Variants in NAA38 observed in about 807,000 individuals in gnomAD.
NAA38 encodes the protein LSM domain containing 1.
Under a neutral mutation model 12.6 loss-of-function variants are expected in NAA38, and 15 were observed. The ratio of observed to expected loss-of-function variants is 1.19; its 90% confidence interval spans 0.79 to 1.83. NAA38 has a LOEUF of 1.83. NAA38 is among the 40% of genes most tolerant of loss of function. NAA38 has a pLI of 0.00. For synonymous variants in NAA38, 88 were observed against 69.9 expected (o/e 1.26, Z -1.29); for missense variants, 183 against 171.7 (o/e 1.07, Z -0.37).
intron 1 of NAA38, chr17:7,883,464 T>C (rs1042686247): frequency 1.2e-4 from 19 of 152,268 alleles, no homozygotes; most frequent in African/African-American, 3.9e-4. Context: ...ATTCTAACAA[T>C]TGGAGGAGGG....
chr17:7,857,061 G>GTCAC lies in NAA38; in HGVS notation c.215_218dup (p.Asp73GlufsTer2), dbSNP rs755621692. The stretch of plus-strand genomic sequence containing the variant: ...GCGCCGAGCCCAGGATGACATTGCA[G>GTCAC]TCACGGTCAGTGCAGAGGAAGCAGC... On this transcript the variant is annotated stop_gained and frameshift_variant, in exon 2 of 3. Transcript: ENST00000575771. LOFTEE classifies it high-confidence loss of function. 1 of 1,613,350 alleles carries GTCAC rather than the reference G, an allele frequency of 6.2e-7. No individual in the cohort carries two copies. The highest frequency in any genetic ancestry group is 1.7e-5 in the Admixed American group (1 of 60,028).
At chr17:7,877,068 T>A (rs747608534) in intron 2 of NAA38, 1 of 389,270 alleles carries the variant, frequency 2.6e-6, no homozygotes, top group South Asian at 1.9e-5. Flanking sequence ...GAACCAGAGA[T>A]TCATGAGGAA....
intron 1 of NAA38, among the ~76,000 whole-genome samples, chr17:7,884,071 A>ACACAC (rs1555602711): frequency 9.4e-5 from 14 of 148,550 alleles, no homozygotes; most frequent in African/African-American, 3.5e-4. Flanking sequence ...ATGCCCCCCC[A>ACACAC]ACACACACAC....
upstream of NAA38, chr17:7,858,617 C>A (rs552115182): frequency 6.2e-7 from 1 of 1,605,158 alleles, no homozygotes; most frequent in Non-Finnish European, 8.5e-7. Flanking sequence ...TCCGCAAGCA[C>A]ATAGATCCGC....
intron 2 of NAA38, among the ~76,000 whole-genome samples, chr17:7,871,932 G>C (rs530106578): frequency 1.1e-3 from 174 of 152,302 alleles, no homozygotes; most frequent in Non-Finnish European, 1.8e-3. Flanking sequence ...TGGGATGGCA[G>C]GCGTGAGCCA....
At chr17:7,858,004 A>G (rs1473403866), upstream of NAA38, 4 of 1,517,292 alleles carry the variant, frequency 2.6e-6, no homozygotes, top group South Asian at 2.5e-5. Context: ...GAAAAGGACA[A>G]TGGTTTCCAT....
exon 1 of NAA38, chr17:7,885,204 G>A: frequency 1.1e-6 from 1 of 933,026 alleles, no homozygotes; most frequent in Non-Finnish European, 1.3e-6. Flanking sequence ...CGCGAATCCG[G>A]GGCTCGGGCC....
At chr17:7,858,484 G>C, upstream of NAA38, 1 of 1,614,218 alleles carries the variant, frequency 6.2e-7, no homozygotes. Context: ...AGAGACGTGA[G>C]TTATGCTGGA....
At chr17:7,880,879 A>G (rs1967259779) in intron 2 of NAA38, among the ~76,000 whole-genome samples, 2 of 152,196 alleles carry the variant, frequency 1.3e-5, no homozygotes, top group Non-Finnish European at 2.9e-5. Flanking sequence ...AAGTACTGGT[A>G]GTGAACGCAT....
At position 7,857,540 on chromosome 17, in the gene NAA38, C is replaced by A; in HGVS notation, c.-77G>T. 6.9e-7 allele frequency: 1 copy of A among 1,453,192 alleles called. No individual in the cohort carries two copies. Among genetic ancestry groups the A allele is most frequent in the Non-Finnish European group, 9.0e-7 (1 of 1,106,304 alleles). 90.0% of individuals were successfully genotyped at this position (1,453,192 alleles called of 1,614,324 possible). Reference sequence around the variant, plus strand: ...TGGGTGGTCCGAGATCTCGCGAGCGCTCCCGACCTCTTTCCTTTCGCGAGA... The same window carrying A: ...TGGGTGGTCCGAGATCTCGCGAGCGATCCCGACCTCTTTCCTTTCGCGAGA... On this transcript the variant is annotated 5_prime_UTR_variant, in exon 1 of 3. Transcript: ENST00000575771.
At chr17:7,859,427 C>T, upstream of NAA38, 1 of 1,614,086 alleles carries the variant, frequency 6.2e-7, no homozygotes, top group Non-Finnish European at 8.5e-7. Flanking sequence ...CCGCTATCTC[C>T]CCTATAACTC....
At chr17:7,864,741 T>C (rs973266287) in intron 3 of NAA38, 2 of 151,948 alleles carry the variant, frequency 1.3e-5, no homozygotes, top group African/African-American at 4.8e-5. Context: ...TTACTAAAAA[T>C]ACAAAAATTA....
intron 2 of NAA38, among the ~76,000 whole-genome samples, chr17:7,876,144 T>C (rs1967171130): frequency 6.6e-6 from 1 of 152,184 alleles, no homozygotes; most frequent in Non-Finnish European, 1.5e-5. Context: ...ATCTTGGGTG[T>C]ACACTTAGTA....
upstream of NAA38, chr17:7,862,814 T>G (rs2078892104): frequency 6.6e-6 from 1 of 151,524 alleles, no homozygotes; most frequent in African/African-American, 2.4e-5. Context: ...ATCTGTCATT[T>G]CCCCATATGG....
chr17:7,876,819 TC>T (rs1967182318), intron 2 of NAA38, among the ~76,000 whole-genome samples: 1 of 152,194 alleles, frequency 6.6e-6, no homozygotes, highest in Non-Finnish European at 1.5e-5. Flanking sequence ...AAAAATAATT[TC>T]CCCTTCCCAG....
At chr17:7,872,621 A>G (rs1217246513) in intron 2 of NAA38, among the ~76,000 whole-genome samples, 1 of 152,228 alleles carries the variant, frequency 6.6e-6, no homozygotes, top group East Asian at 1.9e-4. Flanking sequence ...TCGGCCTCGC[A>G]AAGTGCTGGG....
chr17:7,865,715 C>T (rs1234211774), intron 3 of NAA38: 1 of 152,074 alleles, frequency 6.6e-6, no homozygotes, highest in African/African-American at 2.4e-5. Flanking sequence ...GGATGTGAGA[C>T]ATAATTGTGG....
At chr17:7,868,673 C>T (rs1967031676) in intron 2 of NAA38, among the ~76,000 whole-genome samples, 1 of 152,158 alleles carries the variant, frequency 6.6e-6, no homozygotes, top group Non-Finnish European at 1.5e-5. Context: ...GGAAAAGACA[C>T]TCAGAAAACC....
chr17:7,859,644 A>C (rs760902103), upstream of NAA38: 2 of 1,603,520 alleles, frequency 1.2e-6, no homozygotes, highest in South Asian at 2.2e-5. Flanking sequence ...TAGACTCAAG[A>C]CGTATTTCGA....
Sources: allele counts gnomAD v4.1 joint callset (sites outside exome capture counted in the v4.1 genomes callset), GRCh38; gene constraint gnomAD v4.1.1; transcripts MANE v1.5; gene names NCBI Gene and HGNC (gene_info 2026-07-23, HGNC 2026-07-21).